APBB1IP: variants seen among roughly 807,000 people sequenced by gnomAD.
APBB1IP encodes the protein amyloid beta A4 precursor protein-binding family B member 1-interacting protein.
A neutral mutation model predicts 64.9 loss-of-function variants in APBB1IP; 27 were observed. The observed-to-expected ratio is 0.42, with a 90% confidence interval of 0.31 to 0.57. The LOEUF is 0.57. Among genes scored for constraint, APBB1IP ranks in the 20% least tolerant of loss-of-function variants. The pLI, the probability that APBB1IP is intolerant of heterozygous loss-of-function variation, is 0.20. For synonymous variants in APBB1IP, 392 were observed against 331.0 expected (o/e 1.18, Z -2.00); for missense variants, 812 against 845.5 (o/e 0.96, Z 0.49).
intron 8 of APBB1IP, among the ~76,000 whole-genome samples, chr10:26,522,370 C>T (rs76395347): frequency 0.011 from 1,654 of 152,252 alleles, 21 homozygotes; most frequent in African/African-American, 0.027. Context: ...TACATTGACA[C>T]GTTATTATCA....
At chr10:26,497,858 C>T (rs1836047098) in intron 4 of APBB1IP, among the ~76,000 whole-genome samples, 1 of 151,262 alleles carries the variant, frequency 6.6e-6, no homozygotes, top group Non-Finnish European at 1.5e-5. Flanking sequence ...TCCCGAGTAG[C>T]TGGGACTACA....
At chr10:26,537,476 G>A (rs1836639956) in intron 10 of APBB1IP, among the ~76,000 whole-genome samples, 1 of 152,114 alleles carries the variant, frequency 6.6e-6, no homozygotes, top group Non-Finnish European at 1.5e-5. Flanking sequence ...TAGATCTGAT[G>A]CTTTCCCATC....
chr10:26,522,110 TA>T (rs1347066423), intron 8 of APBB1IP, among the ~76,000 whole-genome samples: 1 of 152,216 alleles, frequency 6.6e-6, no homozygotes, highest in East Asian at 1.9e-4. Context: ...GTTGACAGTT[TA>T]AAAAAACTAT....
intron 3 of APBB1IP, among the ~76,000 whole-genome samples, chr10:26,495,756 C>G (rs1473041273): frequency 6.6e-6 from 1 of 151,116 alleles, no homozygotes; most frequent in African/African-American, 2.4e-5. Context: ...GCCCTGCCAA[C>G]AGGTAGGTTC....
At chr10:26,548,084 T>C (rs1836788944) in intron 11 of APBB1IP, among the ~76,000 whole-genome samples, 1 of 152,228 alleles carries the variant, frequency 6.6e-6, no homozygotes, top group African/African-American at 2.4e-5. Context: ...CTCCTCCAGC[T>C]TTGTTCTTTT....
At chr10:26,454,141 G>C (rs1021248374) in intron 2 of APBB1IP, among the ~76,000 whole-genome samples, 6 of 152,172 alleles carry the variant, frequency 3.9e-5, no homozygotes, top group Non-Finnish European at 5.9e-5. Context: ...TTATTTATGG[G>C]ATCTAAAAAT....
intron 8 of APBB1IP, among the ~76,000 whole-genome samples, chr10:26,532,930 A>T (rs907540339): frequency 1.3e-5 from 2 of 152,230 alleles, no homozygotes; most frequent in African/African-American, 4.8e-5. Context: ...TCTTTTAAAA[A>T]ATAAAAGAGG....
Position 26,467,930 on chromosome 10 carries a change from A to AATGATAGAAACT in APBB1IP, c.1-24396_1-24395insTGATAGAAACTA, listed in dbSNP as rs1233673915. Reference sequence around the variant, plus strand: ...ATGTACTAACTATAAGAAGAACAGCAACAATGATAGAAACTACAACCGCTA... The same window carrying AATGATAGAAACT: ...ATGTACTAACTATAAGAAGAACAGCAATGATAGAAACTACAATGATAGAAACTACAACCGCTA... On this transcript the variant is annotated intron_variant, in intron 2 of 14. Transcript: ENST00000376236. 1.8e-4 allele frequency among the ~76,000 whole-genome samples: 27 copies of AATGATAGAAACT among 152,364 alleles called. No homozygotes were observed. The East Asian group carries it at 5.0e-3, about 28-fold the overall frequency.
chr10:26,456,148 A>C (rs1309242612), intron 2 of APBB1IP, among the ~76,000 whole-genome samples: 1 of 152,206 alleles, frequency 6.6e-6, no homozygotes, highest in East Asian at 1.9e-4. Context: ...AAAATGTTCT[A>C]AAATTAGATT....
At chr10:26,510,776 A>AC (rs59647298) in intron 6 of APBB1IP, among the ~76,000 whole-genome samples, 1 of 150,918 alleles carries the variant, frequency 6.6e-6, no homozygotes, top group African/African-American at 2.4e-5. Flanking sequence ...ACACACACAC[A>AC]AATGAAAATT....
At position 26,524,273 on chromosome 10, in the gene APBB1IP, G is replaced by A. The variant is rs188746639; in HGVS notation, c.814-9166G>A. The stretch of plus-strand genomic sequence containing the variant: ...GTGGCAAGCGTCCTGCCCCATACCC[G>A]GGGGGTAAAGAGTGTCACACAGAGA... On this transcript the variant is annotated intron_variant, in intron 8 of 14. Coordinates refer to ENST00000376236, the MANE Select transcript of APBB1IP (RefSeq NM_019043.4). 3.4e-3 allele frequency among the ~76,000 whole-genome samples: 519 copies of A among 152,120 alleles called. 5 individuals carry two copies. Among genetic ancestry groups the A allele is most frequent in the Admixed American group, 6.2e-3 (95 of 15,278 alleles).
At position 26,503,220 on chromosome 10, in the gene APBB1IP, G is replaced by A. The variant is rs61758872; in HGVS notation, c.477G>A (p.Lys159=). The A allele has an allele frequency of 3.1e-5, 50 of 1,614,090 alleles. No individual in the cohort carries two copies. The East Asian group carries it at 1.1e-3, about 35-fold the overall frequency. ...LSQEEEEAQA[K]ADKIKLALEK... ...AGGAAGAGGAAGAAGCCCAAGCCAA[G>A]GCTGATAAAATTAAGCTGGCGCTGG... The change falls in exon 6 of 15, where the codon AAG becomes AAA. Residue 159 remains lysine, a synonymous_variant. Coordinates refer to ENST00000376236, the MANE Select transcript of APBB1IP (RefSeq NM_019043.4).
chr10:26,516,888 T>TG (rs534608511), intron 8 of APBB1IP, among the ~76,000 whole-genome samples: 24 of 152,218 alleles, frequency 1.6e-4, no homozygotes, highest in Admixed American at 1.5e-3. Flanking sequence ...AGAAGATATA[T>TG]GGGGGGAGAT....
chr10:26,560,322 T>C (rs1836951002), intron 12 of APBB1IP, 119 bp downstream of exon 12: 1 of 898,566 alleles, frequency 1.1e-6, no homozygotes, highest in Non-Finnish European at 1.8e-6. Context: ...CCACAGACAT[T>C]ATCAGGTTTA....
intron 13 of APBB1IP, chr10:26,562,109 C>T (rs1381646456): frequency 4.5e-6 from 2 of 448,142 alleles, no homozygotes; most frequent in African/African-American, 2.0e-5. Flanking sequence ...AAAGTTTTGT[C>T]ACAGAACCTC....
At chr10:26,500,302 A>G (rs977665065) in intron 4 of APBB1IP, among the ~76,000 whole-genome samples, 4 of 152,122 alleles carry the variant, frequency 2.6e-5, no homozygotes, top group Non-Finnish European at 4.4e-5. Context: ...TGGTGAGGCT[A>G]TAGAAGCTCC....
intron 2 of APBB1IP, among the ~76,000 whole-genome samples, chr10:26,450,761 T>G (rs1835456862): frequency 6.7e-6 from 1 of 149,292 alleles, no homozygotes. Flanking sequence ...AATGGCTCAA[T>G]CTAAGCTCAC....
Position 26,446,343 on chromosome 10 carries a change from C to T in APBB1IP, c.-1+7490C>T, listed in dbSNP as rs902261698. Among the ~76,000 whole-genome samples the T allele has an allele frequency of 1.6e-4, 24 of 152,264 alleles. No homozygotes were observed. In the Middle Eastern group the frequency reaches 0.01, roughly 65 times the overall value. On this transcript the variant is annotated intron_variant, in intron 2 of 14. Coordinates refer to ENST00000376236, the MANE Select transcript of APBB1IP (RefSeq NM_019043.4). ...CTTCCTTCTGATTAAATTTCATAAA[C>T]GGTATGGCTTAGCAAACCAAGACTA...
At chr10:26,449,597 T>G (rs1219104769) in intron 2 of APBB1IP, among the ~76,000 whole-genome samples, 1 of 152,196 alleles carries the variant, frequency 6.6e-6, no homozygotes, top group African/African-American at 2.4e-5. Context: ...TATTGGCATT[T>G]GTTTCAAGGG....
Sources: gnomAD v4.1 joint callset for allele counts (sites outside exome capture counted in the v4.1 genomes callset) on GRCh38, gnomAD v4.1.1 for gene constraint, MANE v1.5 for transcripts, NCBI Gene and HGNC (gene_info 2026-07-23, HGNC 2026-07-21) for gene names.